Variants in TMEM101 observed in about 807,000 individuals in gnomAD.
The protein encoded by TMEM101 is transmembrane protein 101, also known as putative NF-kappa-B-activating protein 130.
In TMEM101, 14 loss-of-function variants were observed where a neutral mutation model predicts 26.0. The ratio of observed to expected loss-of-function variants is 0.54; its 90% CI spans 0.36 to 0.84. The LOEUF is 0.84. Among genes scored for constraint, TMEM101 ranks in the 40% least tolerant of loss-of-function variants. TMEM101 has a pLI of 0.01. For missense variants in TMEM101, 292 were observed against 345.1 expected, an observed-to-expected ratio of 0.85 and a Z score of 1.22; for synonymous variants, 152 against 145.1, an observed-to-expected ratio of 1.05 and a Z score of -0.34.
chr17:44,013,227 A>ATTCGGCG, intron 2 of TMEM101, 72 bp from the exon 3 acceptor site: 2 of 1,388,632 alleles, frequency 1.4e-6, no homozygotes, highest in South Asian at 1.7e-5. Context: ...CAGAGTGTAG[A>ATTCGGCG]ACCACCCCTC....
intron 3 of TMEM101, 100 bp from the exon 4 acceptor site, chr17:44,012,336 G>A: frequency 8.5e-7 from 1 of 1,173,706 alleles, no homozygotes; most frequent in Non-Finnish European, 1.2e-6. Context: ...CCCTGCAGAT[G>A]GGCTTCTGAC....
At chr17:44,021,694 G>A (rs1248166235) in intron 1 of TMEM101, among the ~76,000 whole-genome samples, 1 of 152,192 alleles carries the variant, frequency 6.6e-6, no homozygotes, top group Non-Finnish European at 1.5e-5. Context: ...CCAGCTGGCT[G>A]CTCCCACCAC....
upstream of TMEM101, chr17:44,019,515 C>A: frequency 6.0e-6 from 1 of 165,374 alleles, no homozygotes; most frequent in South Asian, 1.3e-4. Flanking sequence ...ATAAAAAGGT[C>A]AACTTGTTTT....
intron 1 of TMEM101, 30 bp from the exon 2 acceptor site, chr17:44,014,567 G>T: frequency 6.4e-7 from 1 of 1,566,066 alleles, no homozygotes; most frequent in South Asian, 1.1e-5. Context: ...AAGCAACGAG[G>T]ACAGAATGAA....
chr17:44,023,164 T>C, upstream of TMEM101: 1 of 196,158 alleles, frequency 5.1e-6, no homozygotes, highest in Non-Finnish European at 1.1e-5. Flanking sequence ...CCCTAGCTCT[T>C]TTGTAACGAG....
chr17:44,018,380 G>T (rs2049254175), upstream of TMEM101, among the ~76,000 whole-genome samples: 2 of 152,212 alleles, frequency 1.3e-5, no homozygotes, highest in Admixed American at 6.5e-5. Context: ...ACTAGGGAAT[G>T]AGATTGTATA....
chr17:44,016,316 G>A (rs1439462448), upstream of TMEM101, among the ~76,000 whole-genome samples: 1 of 151,966 alleles, frequency 6.6e-6, no homozygotes, highest in Non-Finnish European at 1.5e-5. Context: ...GGGATTACTG[G>A]CGCTTGCCAC....
In TMEM101 at chr17:44,011,841, A is replaced by G; in HGVS notation, c.*87T>C. On this transcript the variant is annotated 3_prime_UTR_variant, in exon 4 of 4. Transcript: ENST00000206380. Reference sequence around the variant, plus strand: ...ATCAAACAAACAGACCAAAAAGCATAAATAAACAGCAGCTGGGCCAGCAAG... The same window carrying G: ...ATCAAACAAACAGACCAAAAAGCATGAATAAACAGCAGCTGGGCCAGCAAG... The G allele has an allele frequency of 7.3e-7, 1 of 1,363,704 alleles. No individual in the cohort carries two copies. Among genetic ancestry groups the G allele is most frequent in the South Asian group, 1.4e-5 (1 of 72,452 alleles). 84.5% of individuals were successfully genotyped at this position (1,363,704 alleles called of 1,614,324 possible). A position where few individuals can be genotyped will look rare whatever the true frequency, so the allele number is the denominator to read the frequency against.
In TMEM101 at chr17:44,011,733, C is replaced by G; in HGVS notation, c.*195G>C. 1.6e-6 allele frequency: 1 copy of G among 619,038 alleles called. No individual in the cohort carries two copies. Among genetic ancestry groups the G allele is most frequent in the Non-Finnish European group, 2.8e-6 (1 of 359,316 alleles). 38.3% of individuals were successfully genotyped at this position (619,038 alleles called of 1,614,324 possible). Reference sequence around the variant, plus strand: ...CTGTACAGCATTAGTGCCAGGGCTCCTGCCCTCCCAAGCGCTGAGCCCAGA... The same window carrying G: ...CTGTACAGCATTAGTGCCAGGGCTCGTGCCCTCCCAAGCGCTGAGCCCAGA... On this transcript the variant is annotated 3_prime_UTR_variant, in exon 4 of 4. Transcript: ENST00000206380.
chr17:44,011,987 G>C lies in TMEM101; in HGVS notation c.715C>G (p.Leu239Val). Residue 239 changes from leucine (L) to valine (V), a missense_variant, in exon 4 of 4, where the codon CTC becomes GTC. This residue lies in a region of TMEM101 where 149 missense variants were observed against 211.9 expected (regional missense o/e 0.70). Coordinates refer to ENST00000206380, the MANE Select transcript of TMEM101 (RefSeq NM_032376.4). ...RRVEFWNQMKLLGESVGIFGT... is the reference protein window; with the variant it reads ...RRVEFWNQMKVLGESVGIFGT... ...AAGATGCCCACACTCTCTCCAAGGA[G>C]CTTCATCTGGTTCCAGAACTCAACA... The C allele has an allele frequency of 6.2e-7, 1 of 1,614,158 alleles. No homozygotes were observed. Among genetic ancestry groups the C allele is most frequent in the Admixed American group, 1.7e-5 (1 of 60,024 alleles).
In TMEM101 at chr17:44,011,912, C is replaced by G. The variant is rs1303764511; in HGVS notation, c.*16G>C. 4 of 1,591,692 alleles carry G rather than the reference C, an allele frequency of 2.5e-6. No homozygotes were observed. The highest frequency in any genetic ancestry group is 3.4e-6 in the Non-Finnish European group (4 of 1,166,232). On this transcript the variant is annotated 3_prime_UTR_variant, in exon 4 of 4. Transcript: ENST00000206380. ...CAGTGGCTCCCTGTGCCCATCTCAG[C>G]CTCTTGCCATAAAACTCAGCCATCA... is the stretch of plus-strand genomic sequence containing the variant.
At chr17:44,021,111 G>A (rs2049280440) in intron 2 of TMEM101, among the ~76,000 whole-genome samples, 1 of 152,168 alleles carries the variant, frequency 6.6e-6, no homozygotes, top group Non-Finnish European at 1.5e-5. Flanking sequence ...TTTAGCTCCA[G>A]GATTTAAGTT....
chr17:44,018,271 G>A (rs1210013204), upstream of TMEM101, among the ~76,000 whole-genome samples: 1 of 152,142 alleles, frequency 6.6e-6, no homozygotes, highest in African/African-American at 2.4e-5. Flanking sequence ...GCTGCATTGA[G>A]CTATGATTGC....
At chr17:44,014,270 C>T (rs917537037) in intron 2 of TMEM101, 87 bp downstream of exon 2, 1 of 1,448,148 alleles carries the variant, frequency 6.9e-7, no homozygotes, top group South Asian at 1.3e-5. Flanking sequence ...TGGCCAGCAC[C>T]ATTCATCGCC....
At chr17:44,016,500 C>A (rs143517821), upstream of TMEM101, among the ~76,000 whole-genome samples, 12 of 152,284 alleles carry the variant, frequency 7.9e-5, no homozygotes, top group African/African-American at 2.6e-4. Context: ...TATTGACAAT[C>A]TTCCCCTACT....
upstream of TMEM101, among the ~76,000 whole-genome samples, chr17:44,015,926 C>G (rs560744337): frequency 7.2e-4 from 110 of 152,204 alleles, no homozygotes; most frequent in African/African-American, 2.6e-3. Flanking sequence ...CTGCCATGCT[C>G]CCGCTGTAAC....
At position 44,014,768 on chromosome 17, in the gene TMEM101, C is replaced by A. The variant is rs527338980; in HGVS notation, c.137+48G>T. 8 of 1,523,264 alleles carry A rather than the reference C, an allele frequency of 5.3e-6. No homozygotes were observed. In the South Asian group the frequency reaches 1.0e-4, roughly 20 times the overall value. The allele number at this position is 1,523,264 out of a possible 1,614,324, so 94.4% of individuals were successfully genotyped here. On this transcript the variant is annotated intron_variant, in intron 1 of 3. Transcript: ENST00000206380. ...GACTTCTAGCCCCCAATTTCTTGCCCACATCACCGCCCCCTGCCGCGTTTA... is the reference window on the plus strand; with the variant it reads ...GACTTCTAGCCCCCAATTTCTTGCCAACATCACCGCCCCCTGCCGCGTTTA...
chr17:44,018,207 T>C (rs1318851450), upstream of TMEM101, among the ~76,000 whole-genome samples: 2 of 152,186 alleles, frequency 1.3e-5, no homozygotes, highest in Admixed American at 1.3e-4. Flanking sequence ...GGCCCACATC[T>C]GTAATCCAGC....
intron 2 of TMEM101, among the ~76,000 whole-genome samples, chr17:44,020,775 C>T (rs947056243): frequency 4.6e-5 from 7 of 152,208 alleles, no homozygotes; most frequent in African/African-American, 1.7e-4. Flanking sequence ...ATTGGCATAT[C>T]CATTCAGAAA....
Sources: gnomAD v4.1 joint callset for allele counts (sites outside exome capture counted in the v4.1 genomes callset) on GRCh38, gnomAD v4.1.1 for gene constraint, gnomAD v4.1.1 regional missense constraint, MANE v1.5 for transcripts, NCBI Gene and HGNC (gene_info 2026-07-23, HGNC 2026-07-21) for gene names.